The following SUGCT variants were observed in gnomAD, a reference collection of about 807,000 sequenced individuals.
The protein encoded by SUGCT is succinyl-CoA:glutarate-CoA transferase, also known as succinyl-CoA:glutarate CoA-transferase.
SUGCT carries 41 observed loss-of-function variants against 55.0 expected under a neutral mutation model. The ratio of observed to expected loss-of-function variants is 0.74; its 90% CI spans 0.58 to 0.97. The LOEUF (loss-of-function observed/expected upper bound fraction) is 0.97. Among genes scored for constraint, SUGCT ranks in the 50% least tolerant of loss-of-function variants. The pLI is 0.00. For synonymous variants in SUGCT, 187 were observed against 200.4 expected, an observed-to-expected ratio of 0.93 and a Z score of 0.56; for missense variants, 568 against 547.8, an observed-to-expected ratio of 1.04 and a Z score of -0.37.
intron 10 of SUGCT, among the ~76,000 whole-genome samples, chr7:40,449,872 G>A (rs1789091821): frequency 6.6e-6 from 1 of 151,888 alleles, no homozygotes; most frequent in South Asian, 2.1e-4. Flanking sequence ...AAGGTTTTAG[G>A]AATTAAGATT....
chr7:40,242,177 CT>C (rs555537635), intron 7 of SUGCT, among the ~76,000 whole-genome samples: 76 of 140,212 alleles, frequency 5.4e-4, no homozygotes, highest in Non-Finnish European at 5.2e-4. Context: ...TTTTTCTTTT[CT>C]TTTTTTTTTT....
the SUGCT span, among the ~76,000 whole-genome samples, chr7:40,938,074 A>G: frequency 3.3e-5 from 5 of 152,206 alleles, no homozygotes; most frequent in South Asian, 2.1e-4. Context: ...TCAGTCACTC[A>G]CTGCTCACCT....
Position 40,858,663 on chromosome 7 carries a change from T to G in SUGCT, c.1154-1653T>G, listed in dbSNP as rs57704867. On this transcript the variant is annotated intron_variant, in intron 13 of 13. Coordinates refer to ENST00000335693, the MANE Select transcript of SUGCT (RefSeq NM_001193313.2). Reference sequence around the variant, plus strand: ...AGATGCCTAAACCATCACATTATTGTCATTCTTGGGAGAGCTGTGGACCCT... The same window carrying G: ...AGATGCCTAAACCATCACATTATTGGCATTCTTGGGAGAGCTGTGGACCCT... Among the ~76,000 whole-genome samples, 1,506 of 152,284 alleles carry G rather than the reference T, an allele frequency of 9.9e-3. 24 individuals are homozygous for G. The highest frequency in any genetic ancestry group is 0.034 in the African/African-American group (1,430 of 41,556).
At chr7:40,373,681 G>A (rs1784409644) in intron 9 of SUGCT, among the ~76,000 whole-genome samples, 1 of 151,834 alleles carries the variant, frequency 6.6e-6, no homozygotes, top group African/African-American at 2.4e-5. Flanking sequence ...AGTTTATTTT[G>A]GTAAGAAACA....
intron 10 of SUGCT, among the ~76,000 whole-genome samples, chr7:40,453,619 G>C (rs945169849): frequency 1.3e-5 from 2 of 152,162 alleles, no homozygotes; most frequent in Non-Finnish European, 2.9e-5. Flanking sequence ...ATCAAAATGA[G>C]AATCAAAGCC....
At chr7:41,014,937 C>T in the SUGCT span, among the ~76,000 whole-genome samples, 1 of 152,188 alleles carries the variant, frequency 6.6e-6, no homozygotes, top group Non-Finnish European at 1.5e-5. Context: ...ATGGATGACA[C>T]ATGGCTGGCA....
At chr7:40,326,642 T>G (rs1393649425) in intron 9 of SUGCT, among the ~76,000 whole-genome samples, 1 of 152,216 alleles carries the variant, frequency 6.6e-6, no homozygotes, top group Non-Finnish European at 1.5e-5. Context: ...AATATAGCAT[T>G]ATTAAAATTA....
chr7:40,344,916 A>G (rs546067514), intron 9 of SUGCT, among the ~76,000 whole-genome samples: 152 of 152,330 alleles, frequency 1.0e-3, no homozygotes, highest in Non-Finnish European at 1.7e-3. Context: ...CAGGAACCGT[A>G]TAAAGTGTTT....
the SUGCT span, among the ~76,000 whole-genome samples, chr7:41,026,489 C>G: frequency 6.6e-6 from 1 of 152,188 alleles, no homozygotes; most frequent in Non-Finnish European, 1.5e-5. Flanking sequence ...AGGCTGCATT[C>G]ATCTTGACAC....
chr7:40,363,910 G>A (rs886848588), intron 9 of SUGCT, among the ~76,000 whole-genome samples: 2 of 152,132 alleles, frequency 1.3e-5, no homozygotes, highest in East Asian at 1.9e-4. Context: ...GTTGACAATG[G>A]GGTGTTAAAG....
chr7:40,320,677 G>T (rs1028205282), intron 9 of SUGCT, among the ~76,000 whole-genome samples: 1 of 152,034 alleles, frequency 6.6e-6, no homozygotes, highest in Non-Finnish European at 1.5e-5. Context: ...TCCTTTGTTT[G>T]TGACCCACAC....
At position 40,324,261 on chromosome 7, in the gene SUGCT, A is replaced by ATATATATATATATATATATATTTATT. The variant is rs377215730; in HGVS notation, c.816+7409_816+7410insATATATATATATATATATTTATTTAT. ...AATAAATAAATAAATAAATATATAT[A>ATATATATATATATATATATATTTATT]TATTTATTTTTTGAGACAGAGTCTT... On this transcript the variant is annotated intron_variant, in intron 9 of 13. Coordinates refer to ENST00000335693, the MANE Select transcript of SUGCT (RefSeq NM_001193313.2). 2.3e-3 allele frequency among the ~76,000 whole-genome samples: 227 copies of ATATATATATATATATATATATTTATT among 99,768 alleles called. 3 individuals carry two copies. The highest frequency in any genetic ancestry group is 3.0e-3 in the Admixed American group (26 of 8,576). 65.5% of individuals were successfully genotyped at this position (99,768 alleles called of 152,430 possible).
intron 10 of SUGCT, among the ~76,000 whole-genome samples, chr7:40,451,105 G>A (rs1789167222): frequency 6.6e-6 from 1 of 152,074 alleles, no homozygotes; most frequent in Non-Finnish European, 1.5e-5. Context: ...TGAAACATAC[G>A]GAAGCTGTTG....
intron 13 of SUGCT, among the ~76,000 whole-genome samples, chr7:40,795,500 T>C (rs1331137517): frequency 6.6e-6 from 1 of 152,176 alleles, no homozygotes; most frequent in African/African-American, 2.4e-5. Context: ...GAAAAAGAAC[T>C]TCTAGAAGTT....
the SUGCT span, among the ~76,000 whole-genome samples, chr7:40,877,327 A>G: frequency 9.8e-5 from 15 of 152,320 alleles, no homozygotes; most frequent in African/African-American, 3.6e-4. Context: ...TTCAAGGTTC[A>G]TTATTGGATA....
intron 12 of SUGCT, among the ~76,000 whole-genome samples, chr7:40,615,852 A>G (rs1481582508): frequency 2.0e-5 from 3 of 152,146 alleles, no homozygotes; most frequent in Non-Finnish European, 2.9e-5. Context: ...TGTGCCATGG[A>G]TTCTTATGTG....
At chr7:40,439,789 A>G (rs529139812) in intron 9 of SUGCT, among the ~76,000 whole-genome samples, 1 of 152,290 alleles carries the variant, frequency 6.6e-6, no homozygotes, top group South Asian at 2.1e-4. Context: ...GTCCGTGCTC[A>G]TCCCTGCGCT....
the SUGCT span, among the ~76,000 whole-genome samples, chr7:40,910,847 T>G: frequency 0.54 from 82,325 of 151,974 alleles, 23,896 homozygotes; most frequent in African/African-American, 0.76. Context: ...TTTAATGATT[T>G]CCTTTTACAT....
intron 13 of SUGCT, among the ~76,000 whole-genome samples, chr7:40,856,829 G>A (rs1794194534): frequency 6.6e-6 from 1 of 152,152 alleles, no homozygotes; most frequent in African/African-American, 2.4e-5. Flanking sequence ...CAGAAGGATT[G>A]CACCAATTTA....
Sources: gnomAD v4.1 joint callset for allele counts (sites outside exome capture counted in the v4.1 genomes callset) on GRCh38, gnomAD v4.1.1 for gene constraint, MANE v1.5 for transcripts, NCBI Gene and HGNC (gene_info 2026-07-23, HGNC 2026-07-21) for gene names.